Variants in SOX5 observed in about 807,000 individuals in gnomAD.
The protein encoded by SOX5 is SRY-box transcription factor 5.
A neutral mutation model predicts 92.0 loss-of-function variants in SOX5; 9 were observed. That is an observed-to-expected ratio of 0.10 (90% CI 0.06 to 0.17). The LOEUF (loss-of-function observed/expected upper bound fraction) is 0.17, where lower values mean the gene tolerates loss of function less well. Among genes scored for constraint, SOX5 ranks in the 10% least tolerant of loss-of-function variants. SOX5 has a pLI of 1.00. For missense variants in SOX5, 642 were observed against 944.5 expected (o/e 0.68, Z 4.20); for synonymous variants, 344 against 336.3 (o/e 1.02, Z -0.25).
At chr12:23,680,325 C>CAAAAAAAAAAAA (rs57754255) in intron 6 of SOX5, among the ~76,000 whole-genome samples, 4 of 48,368 alleles carry the variant, frequency 8.3e-5, no homozygotes, top group Admixed American at 2.6e-4. Context: ...GACCTTGTCT[C>CAAAAAAAAAAAA]AAAAAAAAAA....
intron 4 of SOX5, among the ~76,000 whole-genome samples, chr12:24,181,492 T>C (rs903598028): frequency 6.6e-6 from 1 of 152,210 alleles, no homozygotes; most frequent in Non-Finnish European, 1.5e-5. Flanking sequence ...CTGTTTATAT[T>C]GTTTTAATGT....
At chr12:23,970,297 C>CAT (rs140885986) in intron 4 of SOX5, among the ~76,000 whole-genome samples, 3,920 of 151,278 alleles carry the variant, frequency 0.026, 67 homozygotes, top group Middle Eastern at 0.075. Context: ...ATGTGTATAA[C>CAT]ATATATATAT....
chr12:24,315,106 C>T (rs1399455385), intron 2 of SOX5, among the ~76,000 whole-genome samples: 1 of 152,168 alleles, frequency 6.6e-6, no homozygotes, highest in Non-Finnish European at 1.5e-5. Context: ...AATCATATGA[C>T]AGCTCATTTA....
intron 1 of SOX5, among the ~76,000 whole-genome samples, chr12:23,933,205 G>A (rs1466223469): frequency 6.6e-6 from 1 of 151,670 alleles, no homozygotes; most frequent in East Asian, 1.9e-4. Flanking sequence ...GAAGCAAGGT[G>A]AAATCTCAAG....
intron 8 of SOX5, among the ~76,000 whole-genome samples, chr12:23,605,465 A>G (rs2075127003): frequency 6.7e-6 from 1 of 148,348 alleles, no homozygotes; most frequent in Admixed American, 6.8e-5. Flanking sequence ...TAAATATTTA[A>G]TTATATATTT....
At chr12:23,994,184 A>G (rs913563145) in intron 4 of SOX5, among the ~76,000 whole-genome samples, 3 of 152,108 alleles carry the variant, frequency 2.0e-5, no homozygotes, top group African/African-American at 4.8e-5. Context: ...AAGGTGTATC[A>G]TGAGAGGGAA....
At chr12:23,972,199 C>T (rs1402239687) in intron 4 of SOX5, among the ~76,000 whole-genome samples, 1 of 152,102 alleles carries the variant, frequency 6.6e-6, no homozygotes, top group East Asian at 1.9e-4. Context: ...GTGATATCAG[C>T]GTTACTTCAA....
chr12:23,957,409 T>C (rs1163191352), intron 4 of SOX5, among the ~76,000 whole-genome samples: 10 of 152,208 alleles, frequency 6.6e-5, no homozygotes, highest in Admixed American at 6.5e-4. Context: ...ATTACTTAAT[T>C]CAGTGAAATA....
At chr12:24,407,230 A>G (rs1963174589) in intron 1 of SOX5, among the ~76,000 whole-genome samples, 1 of 152,172 alleles carries the variant, frequency 6.6e-6, no homozygotes, top group East Asian at 1.9e-4. Context: ...AGATAGATCG[A>G]GGTGTGCCCC....
chr12:24,266,033 AATGTGTGTGTGTGTGTGT>A (rs1942957755), intron 3 of SOX5, among the ~76,000 whole-genome samples: 1 of 114,104 alleles, frequency 8.8e-6, no homozygotes, highest in African/African-American at 3.7e-5. Flanking sequence ...CATGCCAGCT[AATGTGTGTGTGTGTGTGT>A]GTGTGTGTGT....
chr12:24,077,001 C>T (rs1942709312), intron 4 of SOX5, among the ~76,000 whole-genome samples: 1 of 152,056 alleles, frequency 6.6e-6, no homozygotes, highest in Admixed American at 6.6e-5. Flanking sequence ...ATGGTAACAA[C>T]TGAGAATTGA....
intron 4 of SOX5, among the ~76,000 whole-genome samples, chr12:24,009,398 G>A (rs185423610): frequency 6.6e-6 from 1 of 151,154 alleles, no homozygotes; most frequent in African/African-American, 2.4e-5. Context: ...CTGCTTGTGT[G>A]GTCTTATATA....
intron 7 of SOX5, among the ~76,000 whole-genome samples, chr12:23,658,496 A>G (rs1461420293): frequency 6.6e-6 from 1 of 152,212 alleles, no homozygotes; most frequent in Non-Finnish European, 1.5e-5. Flanking sequence ...AACATTTACA[A>G]AGCTTTACAA....
intron 4 of SOX5, among the ~76,000 whole-genome samples, chr12:23,960,118 A>G (rs1462138501): frequency 2.6e-5 from 4 of 152,118 alleles, no homozygotes; most frequent in Admixed American, 6.6e-5. Flanking sequence ...TGGGTCCTAG[A>G]AGAAAAGAAT....
intron 8 of SOX5, among the ~76,000 whole-genome samples, chr12:23,618,389 T>C (rs1433256705): frequency 6.6e-6 from 1 of 152,172 alleles, no homozygotes; most frequent in Non-Finnish European, 1.5e-5. Context: ...CACTGTTCAG[T>C]GTATCCCAAC....
intron 1 of SOX5, among the ~76,000 whole-genome samples, chr12:24,507,461 C>T (rs1035158873): frequency 1.3e-5 from 2 of 150,918 alleles, no homozygotes; most frequent in Non-Finnish European, 2.9e-5. Flanking sequence ...GACAACTGAC[C>T]TACTTTCTGC....
intron 9 of SOX5, chr12:23,584,448 G>A (rs1336663844): frequency 1.1e-6 from 1 of 928,338 alleles, no homozygotes; most frequent in East Asian, 2.4e-5. Context: ...TAACAACCTG[G>A]CAGAGTGGGA....
At chr12:24,327,484 C>T (rs776048587) in intron 2 of SOX5, among the ~76,000 whole-genome samples, 3 of 142,418 alleles carry the variant, frequency 2.1e-5, no homozygotes, top group Non-Finnish European at 3.0e-5. Context: ...AGCATGATCT[C>T]GGCTAACTGC....
chr12:24,358,082 G>C (rs1321755213), intron 2 of SOX5, among the ~76,000 whole-genome samples: 1 of 152,136 alleles, frequency 6.6e-6, no homozygotes, highest in Admixed American at 6.6e-5. Flanking sequence ...ATAAATATTT[G>C]TTGAATGGAT....
Sources: allele counts gnomAD v4.1 joint callset (sites outside exome capture counted in the v4.1 genomes callset), GRCh38; gene constraint gnomAD v4.1.1; transcripts MANE v1.5; gene names NCBI Gene and HGNC (gene_info 2026-07-23, HGNC 2026-07-21).